Variants in ANKRD10 observed in about 807,000 individuals in gnomAD.
ANKRD10 encodes the protein ankyrin repeat domain 10.
Under a neutral mutation model 27.0 loss-of-function variants are expected in ANKRD10, and 14 were observed. The observed-to-expected ratio is 0.52, with a 90% confidence interval of 0.34 to 0.81. The LOEUF (loss-of-function observed/expected upper bound fraction) is 0.81. Among genes scored for constraint, ANKRD10 ranks in the 40% least tolerant of loss-of-function variants. The probability of loss-of-function intolerance (pLI) is 0.01; values close to 1 mark genes in which losing one functional copy is unlikely to be tolerated. For synonymous variants in ANKRD10, 250 were observed against 224.5 expected (o/e 1.11, Z -1.01); for missense variants, 493 against 544.0 (o/e 0.91, Z 0.93).
chr13:110,889,516 C>T (rs940768185), intron 4 of ANKRD10, among the ~76,000 whole-genome samples: 2 of 150,764 alleles, frequency 1.3e-5, no homozygotes, highest in African/African-American at 4.9e-5. Context: ...AACTTCCTTC[C>T]AAGACAGTTA....
At chr13:110,894,774 G>C (rs1425561075) in intron 3 of ANKRD10, 1 of 152,092 alleles carries the variant, frequency 6.6e-6, no homozygotes, top group Admixed American at 6.6e-5. Context: ...GCATGGCTAT[G>C]AATGGCCATG....
rs578227992 is a variant in ANKRD10, at chr13:110,909,706, C to T, written c.363+912G>A. ...CTAAAAACACCTTCTTTCTCAATTACTTACTGCTCAGGTGGGTAGCTGGGT... is the reference window on the plus strand; with the variant it reads ...CTAAAAACACCTTCTTTCTCAATTATTTACTGCTCAGGTGGGTAGCTGGGT... On this transcript the variant is annotated intron_variant, in intron 2 of 5. Transcript: ENST00000267339. Among the ~76,000 whole-genome samples the T allele has an allele frequency of 2.0e-5, 3 of 152,320 alleles. No individual in the cohort carries two copies. In the East Asian group the frequency reaches 5.8e-4, roughly 29 times the overall value.
chr13:110,888,858 G>A (rs370652607), intron 4 of ANKRD10, among the ~76,000 whole-genome samples: 34 of 152,302 alleles, frequency 2.2e-4, no homozygotes, highest in African/African-American at 6.7e-4. Flanking sequence ...TCAGTAATAT[G>A]CCTATGTGAT....
intron 4 of ANKRD10, among the ~76,000 whole-genome samples, chr13:110,891,066 G>C (rs1035357606): frequency 6.6e-6 from 1 of 152,142 alleles, no homozygotes; most frequent in Non-Finnish European, 1.5e-5. Context: ...AGTCCAATTA[G>C]CATGTTAAGT....
chr13:110,911,546 C>T (rs1459009806), intron 1 of ANKRD10: 1 of 152,278 alleles, frequency 6.6e-6, no homozygotes, highest in African/African-American at 2.4e-5. Context: ...GCGGGTGGAT[C>T]ACCTGAGGTC....
intron 3 of ANKRD10, among the ~76,000 whole-genome samples, chr13:110,904,809 G>A (rs1313946224): frequency 6.6e-6 from 1 of 152,170 alleles, no homozygotes; most frequent in Non-Finnish European, 1.5e-5. Context: ...CAGAGGCCAT[G>A]TTTATAATAC....
chr13:110,894,427 A>AAAAAAAC (rs398024414), intron 3 of ANKRD10: 3 of 252,260 alleles, frequency 1.2e-5, no homozygotes, highest in African/African-American at 8.3e-5. Flanking sequence ...AAAAAAAAAA[A>AAAAAAAC]CCCCGCATTT....
chr13:110,890,125 T>G (rs1332951072), intron 4 of ANKRD10, among the ~76,000 whole-genome samples: 1 of 151,828 alleles, frequency 6.6e-6, no homozygotes, highest in Non-Finnish European at 1.5e-5. Context: ...AAACACACAT[T>G]TAAACAAAAT....
intron 4 of ANKRD10, among the ~76,000 whole-genome samples, chr13:110,886,494 T>C (rs1196954066): frequency 2.6e-5 from 4 of 152,234 alleles, no homozygotes; most frequent in African/African-American, 9.6e-5. Flanking sequence ...GATAATGCTG[T>C]TTCACGAGTG....
chr13:110,894,020 T>C, intron 3 of ANKRD10: 1 of 974,522 alleles, frequency 1.0e-6, no homozygotes, highest in East Asian at 2.4e-5. Context: ...CTGAGACCTC[T>C]ACAGTAGCTA....
At chr13:110,913,298 G>C (rs752426341) in intron 1 of ANKRD10, among the ~76,000 whole-genome samples, 1 of 152,210 alleles carries the variant, frequency 6.6e-6, no homozygotes, top group Admixed American at 6.5e-5. Context: ...CTGGAGGGAG[G>C]AAATCCTCAG....
chr13:110,894,421 A>AAAAAAAAAAAC (rs1246067616), intron 3 of ANKRD10: 3 of 314,056 alleles, frequency 9.6e-6, no homozygotes, highest in African/African-American at 4.3e-5. Flanking sequence ...AAAAAAAAAA[A>AAAAAAAAAAAC]AAAAAACCCC....
intron 4 of ANKRD10, among the ~76,000 whole-genome samples, chr13:110,889,926 CTTTT>C (rs776325180): frequency 2.0e-5 from 3 of 152,104 alleles, no homozygotes; most frequent in African/African-American, 4.8e-5. Context: ...GCACCTGTAA[CTTTT>C]TTTGTTTTTA....
rs1171714117 is a variant in ANKRD10, at chr13:110,878,904, C to T, written c.*733G>A. 6.6e-6 allele frequency: 1 copy of T among 152,270 alleles called. No individual in the cohort carries two copies. The highest frequency in any genetic ancestry group is 2.4e-5 in the African/African-American group (1 of 41,448). The allele number at this position is 152,270 out of a possible 1,614,324, so 9.4% of individuals were successfully genotyped here. ...AAATATTTTGACCTGACAGTTTCTA[C>T]AAATAGTGATTTCCACTACATATAA... On this transcript the variant is annotated 3_prime_UTR_variant, in exon 6 of 6. Transcript: ENST00000267339.
chr13:110,914,601 G>A (rs2065831333), intron 1 of ANKRD10, 124 bp downstream of exon 1: 2 of 1,387,118 alleles, frequency 1.4e-6, no homozygotes, highest in Non-Finnish European at 1.9e-6. Context: ...GGGCACAGGC[G>A]CCGTCGATCC....
chr13:110,890,704 T>C (rs1204071421), intron 4 of ANKRD10, among the ~76,000 whole-genome samples: 2 of 152,222 alleles, frequency 1.3e-5, no homozygotes, highest in Non-Finnish European at 2.9e-5. Context: ...ACGTATTACC[T>C]GCAACACTTA....
Position 110,912,125 on chromosome 13 carries a change from G to A in ANKRD10, c.211-1355C>T, listed in dbSNP as rs184347961. On this transcript the variant is annotated intron_variant, in intron 1 of 5. Transcript: ENST00000267339. ...TTACCAAGTGCCTACCATGTGCCAAGCAACTGTTCAACCCACGTTCTCTGA... is the reference window on the plus strand; with the variant it reads ...TTACCAAGTGCCTACCATGTGCCAAACAACTGTTCAACCCACGTTCTCTGA... 4.6e-5 allele frequency among the ~76,000 whole-genome samples: 7 copies of A among 152,296 alleles called. No individual in the cohort carries two copies. In the East Asian group the frequency reaches 1.2e-3, roughly 25 times the overall value.
chr13:110,899,781 C>A (rs773560453), intron 3 of ANKRD10, among the ~76,000 whole-genome samples: 12 of 151,484 alleles, frequency 7.9e-5, no homozygotes, highest in Non-Finnish European at 1.6e-4. Context: ...TGTGGTACAA[C>A]ACAGAATCAT....
Position 110,914,747 on chromosome 13 carries a change from T to C in ANKRD10, c.188A>G (p.His63Arg). The change falls in exon 1 of 6, where the codon CAC becomes CGC. Residue 63 changes from histidine (H) to arginine (R), a missense_variant. Transcript: ENST00000267339. ...EDSFYGWTPV[H>R]WAAHFGKLEC... ...CACCTTGCCGAAATGCGCGGCCCAG[T>C]GCACGGGCGTCCAGCCATAGAAGGA... The C allele has an allele frequency of 1.9e-6, 3 of 1,593,292 alleles. No individual in the cohort carries two copies. Among genetic ancestry groups the C allele is most frequent in the Non-Finnish European group, 2.6e-6 (3 of 1,170,926 alleles).
Sources: allele counts gnomAD v4.1 joint callset (sites outside exome capture counted in the v4.1 genomes callset), GRCh38; gene constraint gnomAD v4.1.1; transcripts MANE v1.5; gene names NCBI Gene and HGNC (gene_info 2026-07-23, HGNC 2026-07-21).